Variants in RBM12B observed in about 807,000 individuals in gnomAD.
RBM12B encodes the protein RNA binding motif protein 12B, also known as RNA-binding protein 12B.
Under a neutral mutation model 34.3 loss-of-function variants are expected in RBM12B, and 10 were observed. The ratio of observed to expected loss-of-function variants is 0.29; its 90% confidence interval spans 0.18 to 0.49. The LOEUF is 0.49. RBM12B is among the 20% of genes least tolerant of loss of function. The pLI, the probability that RBM12B is intolerant of heterozygous loss-of-function variation, is 0.99. For synonymous variants in RBM12B, 477 were observed against 437.1 expected (o/e 1.09, Z -1.14); for missense variants, 1,139 against 1,262.7 (o/e 0.90, Z 1.48).
chr8:93,739,105 T>C (rs1586316558), intron 2 of RBM12B: 1 of 152,210 alleles, frequency 6.6e-6, no homozygotes, highest in Non-Finnish European at 1.5e-5. Flanking sequence ...ACTTTATCCA[T>C]ATTAAAGTCC....
chr8:93,740,755 A>AG (rs1812183862), intron 1 of RBM12B, 59 bp from the exon 2 acceptor site: 1 of 352,644 alleles, frequency 2.8e-6, no homozygotes, highest in African/African-American at 2.1e-5. Flanking sequence ...TAACGGCAGG[A>AG]GCTACGCTAG....
rs1379849868 is a variant in RBM12B at position 93,736,414 on chromosome 8, G to C, written c.-4C>G. 3 of 1,562,954 alleles carry C rather than the reference G, an allele frequency of 1.9e-6. No homozygotes were observed. The highest frequency in any genetic ancestry group is 2.6e-6 in the Non-Finnish European group (3 of 1,161,702). On this transcript the variant is annotated 5_prime_UTR_variant, in exon 4 of 4. Coordinates refer to ENST00000520560, the MANE Select transcript of RBM12B (RefSeq NM_001377960.1). ...GTAAACGGATGACTACAGCCATGCT[G>C]AGCTCAAACCACAGCAATAATGACC...
chr8:93,731,155 G>A lies in RBM12B; in HGVS notation c.*2250C>T, dbSNP rs1208869188. 1 of 152,144 alleles carries A rather than the reference G, an allele frequency of 6.6e-6. No individual in the cohort carries two copies. The highest frequency in any genetic ancestry group is 2.4e-5 in the African/African-American group (1 of 41,430). 9.4% of individuals were successfully genotyped at this position (152,144 alleles called of 1,614,324 possible). A position where few individuals can be genotyped will look rare whatever the true frequency, so the allele number is the denominator to read the frequency against. On this transcript the variant is annotated 3_prime_UTR_variant, in exon 4 of 4. Coordinates refer to ENST00000520560, the MANE Select transcript of RBM12B (RefSeq NM_001377960.1). The stretch of plus-strand genomic sequence containing the variant: ...AGCCTGGCCAGCAGAACAAGACTCT[G>A]ACTCTTAAAATAATAAAACTACAAA...
Position 93,729,332 on chromosome 8 carries a change from T to A in RBM12B, c.*4073A>T, listed in dbSNP as rs1200989250. On this transcript the variant is annotated 3_prime_UTR_variant, in exon 4 of 4. Transcript: ENST00000520560. Reference sequence around the variant, plus strand: ...CTAAGTGACAAAGTTGTTTCAGTACTTTTTTGTAAAATATTTAAAACATTT... The same window carrying A: ...CTAAGTGACAAAGTTGTTTCAGTACATTTTTGTAAAATATTTAAAACATTT... The A allele has an allele frequency of 6.6e-6, 1 of 152,178 alleles. No homozygotes were observed. The highest frequency in any genetic ancestry group is 1.5e-5 in the Non-Finnish European group (1 of 67,986). The allele number at this position is 152,178 out of a possible 1,614,324, so 9.4% of individuals were successfully genotyped here.
chr8:93,735,336 A>C lies in RBM12B; in HGVS notation c.1075T>G (p.Ser359Ala), dbSNP rs372709313. 1 of 1,613,900 alleles carries C rather than the reference A, an allele frequency of 6.2e-7. No individual in the cohort carries two copies. The highest frequency in any genetic ancestry group is 1.3e-5 in the African/African-American group (1 of 74,920). ...ATGAACTTCAGCATTTGTTTTCTAG[A>C]AATTGGATCAATATGAACTGGACGA... ...QYRPVHIDPI[S>A]RKQMLKFIAR... The change falls in exon 4 of 4, where the codon TCT becomes GCT. Residue 359 changes from serine to alanine, a missense_variant. Physicochemically the swap from Ser to Ala is moderately conservative, Grantham distance 99 (BLOSUM62 1). Transcript: ENST00000520560.
At position 93,734,179 on chromosome 8, in the gene RBM12B, TGGA is replaced by T. The variant is rs748735536; in HGVS notation, c.2229_2231del (p.Pro744del). 5.1e-6 allele frequency: 8 copies of T among 1,574,550 alleles called. No individual in the cohort carries two copies. The South Asian group carries it at 9.4e-5, about 19-fold the overall frequency. On this transcript the variant is annotated inframe_deletion, in exon 4 of 4. Transcript: ENST00000520560. ...CTGGGGGAGGCCGCCTAAAATGCTCTGGAGGTGGTCTCCGGAAATGCTCTGGGG... is the reference window on the plus strand; with the variant it reads ...CTGGGGGAGGCCGCCTAAAATGCTCTGGTGGTCTCCGGAAATGCTCTGGGG...
In RBM12B at chr8:93,735,172, T is replaced by A; in HGVS notation, c.1239A>T (p.Lys413Asn). The A allele has an allele frequency of 6.2e-7, 1 of 1,614,158 alleles. No homozygotes were observed. Among genetic ancestry groups the A allele is most frequent in the Non-Finnish European group, 8.5e-7 (1 of 1,180,038 alleles). ...YIRNFPFDVTKVEVQKFFADF... is the reference protein window; with the variant it reads ...YIRNFPFDVTNVEVQKFFADF... ...CTGCAAAGAACTTCTGCACTTCAAC[T>A]TTTGTAACATCAAATGGAAAATTTC... Residue 413 changes from lysine to asparagine, a missense_variant, in exon 4 of 4, where the codon AAA becomes AAT. Around this residue, in one of 3 missense-constraint regions of RBM12B, gnomAD observed 863 missense variants for 869.5 expected, o/e 0.99. Coordinates refer to ENST00000520560, the MANE Select transcript of RBM12B (RefSeq NM_001377960.1).
At position 93,735,057 on chromosome 8, in the gene RBM12B, C is replaced by T; in HGVS notation, c.1354G>A (p.Glu452Lys). 9 of 1,614,156 alleles carry T rather than the reference C, an allele frequency of 5.6e-6. No individual in the cohort carries two copies. The highest frequency in any genetic ancestry group is 7.6e-6 in the Non-Finnish European group (9 of 1,180,030). ...GEALVKFKSE[E>K]QAMKAERLNR... ...AAACGTTCAGCTTTCATGGCCTGTT[C>T]TTCTGATTTAAATTTCACTAATGCT... The change falls in exon 4 of 4, where the codon GAA becomes AAA. Residue 452 changes from glutamate to lysine, a missense_variant. Around this residue, in one of 3 missense-constraint regions of RBM12B, gnomAD observed 863 missense variants for 869.5 expected, o/e 0.99. Coordinates refer to ENST00000520560, the MANE Select transcript of RBM12B (RefSeq NM_001377960.1).
In RBM12B at chr8:93,736,297, C is replaced by T; in HGVS notation, c.114G>A (p.Gly38=). Reference sequence around the variant, plus strand: ...AAATAATAAAAGCCTCCCCAATTTCCCCTCCAATTATATGCACTCCTCCAT... The same window carrying T: ...AAATAATAAAAGCCTCCCCAATTTCTCCTCCAATTATATGCACTCCTCCAT... ...IPDGGVHIIG[G]EIGEAFIIFA... The change falls in exon 4 of 4, where the codon GGG becomes GGA. Residue 38 remains glycine (G), a synonymous_variant. Coordinates refer to ENST00000520560, the MANE Select transcript of RBM12B (RefSeq NM_001377960.1). The T allele has an allele frequency of 6.2e-7, 1 of 1,614,064 alleles. No homozygotes were observed. The highest frequency in any genetic ancestry group is 2.2e-5 in the East Asian group (1 of 44,884).
Position 93,733,457 on chromosome 8 carries a change from T to TAA in RBM12B, c.2953_2954insTT (p.Asp985ValfsTer3). 1 of 1,578,518 alleles carries TAA rather than the reference T, an allele frequency of 6.3e-7. No individual in the cohort carries two copies. The highest frequency in any genetic ancestry group is 8.6e-7 in the Non-Finnish European group (1 of 1,162,882). On this transcript the variant is annotated frameshift_variant, in exon 4 of 4. Transcript: ENST00000520560. LOFTEE classifies it high-confidence loss of function. Reference sequence around the variant, plus strand: ...GGGCCCAACTGGCCTATCATTTAGATCTTTAATAGCAGCCATAGCTTCATT... The same window carrying TAA: ...GGGCCCAACTGGCCTATCATTTAGATAACTTTAATAGCAGCCATAGCTTCATT...
Position 93,735,678 on chromosome 8 carries a change from C to T in RBM12B, c.733G>A (p.Asp245Asn), listed in dbSNP as rs370725627. Residue 245 changes from aspartate to asparagine, a missense_variant, in exon 4 of 4, where the codon GAC becomes AAC. Transcript: ENST00000520560. ...EFGGNAVKEG[D>N]VLRRSEEHSP... Reference sequence around the variant, plus strand: ...TGTTCTTCAGATCTCCTAAGAACGTCACCCTCCTTAACTGCATTACCACCA... The same window carrying T: ...TGTTCTTCAGATCTCCTAAGAACGTTACCCTCCTTAACTGCATTACCACCA... 22 of 1,613,948 alleles carry T rather than the reference C, an allele frequency of 1.4e-5. No homozygotes were observed. Among genetic ancestry groups the T allele is most frequent in the Non-Finnish European group, 1.9e-5 (22 of 1,179,996 alleles).
At position 93,734,030 on chromosome 8, in the gene RBM12B, T is replaced by G. The variant is rs747222686; in HGVS notation, c.2381A>C (p.His794Pro). The G allele has an allele frequency of 6.2e-7, 1 of 1,603,320 alleles. No homozygotes were observed. Among genetic ancestry groups the G allele is most frequent in the African/African-American group, 1.4e-5 (1 of 73,716 alleles). Residue 794 changes from histidine to proline, a missense_variant, in exon 4 of 4, where the codon CAT (histidine) becomes CCT (proline). Transcript: ENST00000520560. ...ATCTTCCTCTCGGGAGCGCCTGAAA[T>G]GCTCCTGAGGCGGCCGCCTGAAATG... Reference protein sequence around the residue: ...QEHFRRPPQEHFRRSREEDFR... With the variant: ...QEHFRRPPQEPFRRSREEDFR...
At position 93,733,915 on chromosome 8, in the gene RBM12B, C is replaced by T. The variant is rs1264270653; in HGVS notation, c.2496G>A (p.Glu832=). ...PPDEDFRSPQ[E]EDFRCPSDED... is the part of the protein sequence containing the mutation. Reference sequence around the variant, plus strand: ...CATCAGAAGGGCATCTAAAATCTTCCTCCTGGGGGCTCCTGAAGTCCTCAT... The same window carrying T: ...CATCAGAAGGGCATCTAAAATCTTCTTCCTGGGGGCTCCTGAAGTCCTCAT... The change falls in exon 4 of 4, where the codon GAG becomes GAA. Residue 832 remains glutamate, a synonymous_variant. Coordinates refer to ENST00000520560, the MANE Select transcript of RBM12B (RefSeq NM_001377960.1). 6 of 1,613,340 alleles carry T rather than the reference C, an allele frequency of 3.7e-6. No individual in the cohort carries two copies. Among genetic ancestry groups the T allele is most frequent in the Non-Finnish European group, 5.1e-6 (6 of 1,179,788 alleles).
chr8:93,736,825 G>A (rs914576148), intron 3 of RBM12B, among the ~76,000 whole-genome samples: 1 of 152,188 alleles, frequency 6.6e-6, no homozygotes, highest in African/African-American at 2.4e-5. Flanking sequence ...CAACTGCAAT[G>A]AATTTTACAT....
chr8:93,735,519 T>C lies in RBM12B; in HGVS notation c.892A>G (p.Arg298Gly). The change falls in exon 4 of 4, where the codon AGA becomes GGA. Residue 298 changes from arginine to glycine, a missense_variant. Around this residue, in one of 3 missense-constraint regions of RBM12B, gnomAD observed 863 missense variants for 869.5 expected, o/e 0.99. Coordinates refer to ENST00000520560, the MANE Select transcript of RBM12B (RefSeq NM_001377960.1). ...CCTCTAAAGAAATTTCTTAAATCTC[T>C]TTCGTCAATACTGAGGGACAGATTT... ...LKNLSLSIDE[R>G]DLRNFFRGTD... is the part of the protein sequence containing the mutation. 1 of 1,613,904 alleles carries C rather than the reference T, an allele frequency of 6.2e-7. No individual in the cohort carries two copies. Among genetic ancestry groups the C allele is most frequent in the Non-Finnish European group, 8.5e-7 (1 of 1,179,902 alleles).
rs1812191216 is a variant in RBM12B at position 93,740,931 on chromosome 8, T to C, written c.-196A>G. 4.0e-5 allele frequency: 9 copies of C among 226,612 alleles called. No homozygotes were observed. In the South Asian group the frequency reaches 4.7e-4, roughly 12 times the overall value. 14.0% of individuals were successfully genotyped at this position (226,612 alleles called of 1,614,324 possible). ...GGCCGGAGGCTGAGGGAACTCTTCG[T>C]CGCAGCAGCCTCCCCAAAACAGGTA... On this transcript the variant is annotated 5_prime_UTR_variant, in exon 1 of 4. Coordinates refer to ENST00000520560, the MANE Select transcript of RBM12B (RefSeq NM_001377960.1).
chr8:93,737,807 C>CAAAAAAA (rs78204688), intron 2 of RBM12B, among the ~76,000 whole-genome samples: 18 of 100,580 alleles, frequency 1.8e-4, no homozygotes, highest in Non-Finnish European at 3.0e-4. Flanking sequence ...ACCCAAAGTT[C>CAAAAAAA]AAAAAAAAAA....
intron 2 of RBM12B, chr8:93,740,310 T>G (rs1451001331): frequency 2.2e-6 from 1 of 457,120 alleles, no homozygotes; most frequent in Non-Finnish European, 4.4e-6. Context: ...GCATCGATTC[T>G]ACAGCCCAAA....
In RBM12B at chr8:93,734,089, CGGGCGCCTGAAATGCTCTGGGGGT is replaced by C. The variant is rs775418760; in HGVS notation, c.2298_2321del (p.Pro776_Pro783del). 36 of 1,560,064 alleles carry C rather than the reference CGGGCGCCTGAAATGCTCTGGGGGT, an allele frequency of 2.3e-5. 2 individuals are homozygous for C. In the South Asian group the frequency reaches 4.2e-4, roughly 18 times the overall value. ...GCGGTCTCCGGAAGTGCTCCGGGGG[CGGGCGCCTGAAATGCTCTGGGGGT>C]GGCCGCCTGAAGTGCTCTGGGGGTG... On this transcript the variant is annotated inframe_deletion, in exon 4 of 4. Transcript: ENST00000520560.
Sources: gnomAD v4.1 joint callset for allele counts (sites outside exome capture counted in the v4.1 genomes callset) on GRCh38, gnomAD v4.1.1 for gene constraint, gnomAD v4.1.1 regional missense constraint, MANE v1.5 for transcripts, NCBI Gene and HGNC (gene_info 2026-07-23, HGNC 2026-07-21) for gene names.